Variants in KCNJ16 observed in about 807,000 individuals in gnomAD.
KCNJ16 encodes potassium inwardly rectifying channel subfamily J member 16, also known as inward rectifier potassium channel 16.
In KCNJ16, 15 loss-of-function variants were observed where a neutral mutation model predicts 18.5. The ratio of observed to expected loss-of-function variants is 0.81; its 90% CI spans 0.54 to 1.25. The LOEUF (loss-of-function observed/expected upper bound fraction) is 1.25, where lower values mean the gene tolerates loss of function less well. Among genes scored for constraint, KCNJ16 ranks in the 50% most tolerant of loss-of-function variants. The pLI is 0.00. For missense variants in KCNJ16, 523 were observed against 525.7 expected, an observed-to-expected ratio of 0.99 and a Z score of 0.05; for synonymous variants, 174 against 186.5, an observed-to-expected ratio of 0.93 and a Z score of 0.55.
At chr17:70,094,476 T>C (rs1272010343) in intron 1 of KCNJ16, among the ~76,000 whole-genome samples, 1 of 152,062 alleles carries the variant, frequency 6.6e-6, no homozygotes, top group East Asian at 1.9e-4. Context: ...ATTGTAAAAG[T>C]TGAAAGAACT....
intron 2 of KCNJ16, chr17:70,128,646 A>AT (rs1471369080): frequency 6.6e-6 from 1 of 152,212 alleles, no homozygotes; most frequent in Non-Finnish European, 1.5e-5. Flanking sequence ...ACCTTACCTG[A>AT]TTCAGCGTTT....
At chr17:70,104,675 A>C (rs369663472) in intron 2 of KCNJ16, among the ~76,000 whole-genome samples, 2 of 152,214 alleles carry the variant, frequency 1.3e-5, no homozygotes, top group African/African-American at 4.8e-5. Flanking sequence ...TGTGATATGG[A>C]AAGATTTTTA....
intron 1 of KCNJ16, among the ~76,000 whole-genome samples, chr17:70,098,939 T>C (rs1307964877): frequency 6.6e-6 from 1 of 152,222 alleles, no homozygotes; most frequent in Non-Finnish European, 1.5e-5. Context: ...CAGCTCCCAC[T>C]AGCTCACAAG....
At chr17:70,086,620 A>T (rs1181017377) in intron 1 of KCNJ16, among the ~76,000 whole-genome samples, 1 of 152,188 alleles carries the variant, frequency 6.6e-6, no homozygotes, top group Admixed American at 6.5e-5. Flanking sequence ...TGGGAAAAAA[A>T]TTGGCAGTTT....
At chr17:70,098,273 A>G (rs1659978764) in intron 1 of KCNJ16, among the ~76,000 whole-genome samples, 1 of 152,198 alleles carries the variant, frequency 6.6e-6, no homozygotes. Context: ...CTACTGCAGA[A>G]TGGATTCACT....
intron 1 of KCNJ16, among the ~76,000 whole-genome samples, chr17:70,077,093 C>T (rs1238870001): frequency 1.3e-5 from 2 of 152,204 alleles, no homozygotes; most frequent in African/African-American, 2.4e-5. Context: ...GATGGAACAG[C>T]CCTAAGGCTG....
intron 2 of KCNJ16, among the ~76,000 whole-genome samples, chr17:70,124,058 C>A (rs116258395): frequency 1.0e-5 from 1 of 98,644 alleles, no homozygotes; most frequent in East Asian, 3.7e-4. Flanking sequence ...ATCAATAGTG[C>A]TCTCACTTAA....
chr17:70,093,580 T>A (rs2072222367), intron 1 of KCNJ16, among the ~76,000 whole-genome samples: 1 of 152,182 alleles, frequency 6.6e-6, no homozygotes, highest in African/African-American at 2.4e-5. Context: ...AATTTCTTTT[T>A]CTGGGACACA....
chr17:70,100,884 T>A (rs909232317), intron 2 of KCNJ16, 118 bp downstream of exon 2: 2 of 152,254 alleles, frequency 1.3e-5, no homozygotes, highest in Admixed American at 6.5e-5. Context: ...TTTCTACTTA[T>A]ACGTTTATAT....
At chr17:70,118,162 A>G (rs1322895276) in intron 2 of KCNJ16, among the ~76,000 whole-genome samples, 2 of 152,116 alleles carry the variant, frequency 1.3e-5, no homozygotes, top group Admixed American at 6.6e-5. Context: ...AATATCTGAG[A>G]CTGGGTAATT....
chr17:70,110,480 G>GCACACACA (rs1337834954), intron 2 of KCNJ16, among the ~76,000 whole-genome samples: 6,828 of 151,078 alleles, frequency 0.045, 517 homozygotes, highest in African/African-American at 0.16. Flanking sequence ...CACTTCGTGC[G>GCACACACA]CGCACACACA....
intron 1 of KCNJ16, among the ~76,000 whole-genome samples, chr17:70,090,831 C>T (rs1238897108): frequency 6.6e-6 from 1 of 152,200 alleles, no homozygotes; most frequent in African/African-American, 2.4e-5. Context: ...AAGTGTCAAC[C>T]ATTTTGTTTA....
intron 1 of KCNJ16, chr17:70,096,569 G>A (rs2072383525): frequency 5.5e-6 from 1 of 180,340 alleles, no homozygotes; most frequent in Non-Finnish European, 1.1e-5. Flanking sequence ...GTTCCAATAT[G>A]TAATGCTTAT....
At chr17:70,124,135 A>G (rs1218013483) in intron 2 of KCNJ16, among the ~76,000 whole-genome samples, 3 of 152,220 alleles carry the variant, frequency 2.0e-5, no homozygotes, top group Non-Finnish European at 4.4e-5. Flanking sequence ...AGTTGAGAGC[A>G]TTTTAACCTA....
intron 1 of KCNJ16, among the ~76,000 whole-genome samples, chr17:70,078,884 C>T (rs1311594825): frequency 6.6e-6 from 1 of 152,136 alleles, no homozygotes; most frequent in Non-Finnish European, 1.5e-5. Context: ...CCTGCGTGTG[C>T]TTGTGGAATT....
chr17:70,089,799 A>C (rs530793712), intron 1 of KCNJ16, among the ~76,000 whole-genome samples: 10 of 152,358 alleles, frequency 6.6e-5, no homozygotes, highest in Admixed American at 2.6e-4. Context: ...ATTTACAGAG[A>C]ACACACACCT....
In KCNJ16 at chr17:70,133,632, T is replaced by C. The variant is rs2074142718; in HGVS notation, c.*288T>C. The C allele has an allele frequency of 3.8e-6, 1 of 260,250 alleles. No homozygotes were observed. 16.1% of individuals were successfully genotyped at this position (260,250 alleles called of 1,614,324 possible). Reference sequence around the variant, plus strand: ...CTTGTATCTTCAGTTGGAGGTGTAGTATTCAAAAACGGGGAATGAAGGCAG... The same window carrying C: ...CTTGTATCTTCAGTTGGAGGTGTAGCATTCAAAAACGGGGAATGAAGGCAG... On this transcript the variant is annotated 3_prime_UTR_variant, in exon 4 of 4. Coordinates refer to ENST00000392671, the MANE Select transcript of KCNJ16 (RefSeq NM_170741.4).
intron 2 of KCNJ16, among the ~76,000 whole-genome samples, chr17:70,106,734 C>T (rs1449825327): frequency 6.6e-6 from 1 of 152,148 alleles, no homozygotes; most frequent in South Asian, 2.1e-4. Context: ...CTGGACCTTG[C>T]CTGTCTGGTA....
At chr17:70,103,302 A>ATG (rs1567789382) in intron 2 of KCNJ16, among the ~76,000 whole-genome samples, 9 of 18,608 alleles carry the variant, frequency 4.8e-4, no homozygotes, top group African/African-American at 1.6e-3. Flanking sequence ...GTGTGTATAT[A>ATG]TATATATATA....
Sources: allele counts gnomAD v4.1 joint callset (sites outside exome capture counted in the v4.1 genomes callset), GRCh38; gene constraint gnomAD v4.1.1; transcripts MANE v1.5; gene names NCBI Gene and HGNC (gene_info 2026-07-23, HGNC 2026-07-21).